Variants in GALNT13 observed in about 807,000 individuals in gnomAD.
GALNT13 encodes the protein polypeptide N-acetylgalactosaminyltransferase 13, also known as UDP-GalNAc:polypeptide N-acetylgalactosaminyltransferase 13.
In GALNT13, 28 loss-of-function variants were observed where a neutral mutation model predicts 64.2. That is an observed-to-expected ratio of 0.44 (90% CI 0.32 to 0.60). The LOEUF is 0.60. Ranked by LOEUF, GALNT13 falls within the 20% of genes least tolerant of loss-of-function variation. The pLI, the probability that GALNT13 is intolerant of heterozygous loss-of-function variation, is 0.05. For synonymous variants in GALNT13, 214 were observed against 224.6 expected, an observed-to-expected ratio of 0.95 and a Z score of 0.42; for missense variants, 577 against 669.8, an observed-to-expected ratio of 0.86 and a Z score of 1.53.
At chr2:153,395,281 G>T in the GALNT13 span, among the ~76,000 whole-genome samples, 1 of 152,132 alleles carries the variant, frequency 6.6e-6, no homozygotes, top group Non-Finnish European at 1.5e-5. Context: ...ACCAGGTGTG[G>T]ATAACAGAGA....
At chr2:153,117,676 A>G in the GALNT13 span, among the ~76,000 whole-genome samples, 1 of 152,156 alleles carries the variant, frequency 6.6e-6, no homozygotes, top group African/African-American at 2.4e-5. Flanking sequence ...TTACATGTTG[A>G]TGTCTCCTAA....
At chr2:153,465,575 T>C in the GALNT13 span, among the ~76,000 whole-genome samples, 1 of 151,776 alleles carries the variant, frequency 6.6e-6, no homozygotes, top group Admixed American at 6.6e-5. Context: ...CATGAGTCTG[T>C]ACCTCAAGGA....
intron 3 of GALNT13, among the ~76,000 whole-genome samples, chr2:154,135,211 A>T (rs927449122): frequency 5.3e-5 from 8 of 151,816 alleles, no homozygotes; most frequent in Non-Finnish European, 1.2e-4. Flanking sequence ...GCCTACCTTC[A>T]TCCTTGTAAA....
chr2:153,112,664 G>T, the GALNT13 span, among the ~76,000 whole-genome samples: 1 of 152,164 alleles, frequency 6.6e-6, no homozygotes, highest in Non-Finnish European at 1.5e-5. Context: ...AAATTAAAGA[G>T]CGTGTTGAAT....
At chr2:153,752,889 C>G in the GALNT13 span, among the ~76,000 whole-genome samples, 1 of 152,020 alleles carries the variant, frequency 6.6e-6, no homozygotes, top group Non-Finnish European at 1.5e-5. Flanking sequence ...TTAGATTTGC[C>G]TTTTGAGGCT....
chr2:153,277,114 G>A, the GALNT13 span, among the ~76,000 whole-genome samples: 3 of 152,104 alleles, frequency 2.0e-5, no homozygotes, highest in African/African-American at 7.2e-5. Context: ...TGGGTATATT[G>A]TGCGACGGTA....
At chr2:153,823,635 C>A in the GALNT13 span, among the ~76,000 whole-genome samples, 35,093 of 152,078 alleles carry the variant, frequency 0.23, 5,322 homozygotes, top group Middle Eastern at 0.39. Flanking sequence ...GGATTAAATA[C>A]TTAAATGTAA....
At chr2:153,819,099 G>A in the GALNT13 span, among the ~76,000 whole-genome samples, 1 of 152,036 alleles carries the variant, frequency 6.6e-6, no homozygotes, top group Non-Finnish European at 1.5e-5. Flanking sequence ...TTCTCCCAGG[G>A]CCTGAGCTCA....
chr2:153,439,538 A>T, the GALNT13 span, among the ~76,000 whole-genome samples: 1 of 152,018 alleles, frequency 6.6e-6, no homozygotes, highest in African/African-American at 2.4e-5. Context: ...CTCCCCCAGC[A>T]TTGCTCCCAC....
intron 9 of GALNT13, among the ~76,000 whole-genome samples, chr2:154,337,783 G>A (rs920603490): frequency 1.3e-5 from 2 of 151,874 alleles, no homozygotes; most frequent in African/African-American, 4.8e-5. Flanking sequence ...GCAATTTTAT[G>A]CATACATAAA....
chr2:154,287,416 GC>G, intron 8 of GALNT13: 1 of 451,898 alleles, frequency 2.2e-6, no homozygotes. Context: ...TCCTCCAGCT[GC>G]CCCAGTGAGG....
At position 154,211,629 on chromosome 2, in the gene GALNT13, C is replaced by CAA. The variant is rs140095331; in HGVS notation, c.312-30376_312-30375dup. 2.1e-3 allele frequency among the ~76,000 whole-genome samples: 81 copies of CAA among 37,932 alleles called. 2 individuals are homozygous for CAA. The highest frequency in any genetic ancestry group is 3.9e-3 in the African/African-American group (34 of 8,786). The allele number at this position is 37,932 out of a possible 152,430, so 24.9% of individuals were successfully genotyped here. On this transcript the variant is annotated intron_variant, in intron 4 of 12. Coordinates refer to ENST00000392825, the MANE Select transcript of GALNT13 (RefSeq NM_052917.4). ...GGCAACAAGAGCGAAACTCCATCTC[C>CAA]AAAAAAAAAAAAAAAAAAAAAAAAA...
At chr2:153,997,444 G>T (rs1695594112) in intron 3 of GALNT13, among the ~76,000 whole-genome samples, 1 of 150,590 alleles carries the variant, frequency 6.6e-6, no homozygotes, top group African/African-American at 2.5e-5. Flanking sequence ...ATTATAAATG[G>T]GGTAACTTTC....
At chr2:153,813,696 T>C in the GALNT13 span, among the ~76,000 whole-genome samples, 1 of 152,222 alleles carries the variant, frequency 6.6e-6, no homozygotes, top group Non-Finnish European at 1.5e-5. Context: ...TGCCAGTGGC[T>C]GGAAATCTCA....
chr2:153,151,065 G>A, the GALNT13 span, among the ~76,000 whole-genome samples: 6 of 152,000 alleles, frequency 3.9e-5, no homozygotes, highest in Non-Finnish European at 7.4e-5. Context: ...GGGCAGTATG[G>A]CCATTTTCAT....
chr2:153,665,891 G>T, the GALNT13 span, among the ~76,000 whole-genome samples: 1 of 152,116 alleles, frequency 6.6e-6, no homozygotes, highest in Non-Finnish European at 1.5e-5. Flanking sequence ...GAGCCCAGAG[G>T]GTTTGGTGCA....
At chr2:154,382,676 T>A (rs1698327305) in intron 9 of GALNT13, among the ~76,000 whole-genome samples, 1 of 152,042 alleles carries the variant, frequency 6.6e-6, no homozygotes, top group Non-Finnish European at 1.5e-5. Flanking sequence ...TTTTCCAGCT[T>A]ACTCATTTAT....
the GALNT13 span, among the ~76,000 whole-genome samples, chr2:153,305,796 C>G: frequency 6.6e-6 from 1 of 152,142 alleles, no homozygotes; most frequent in Admixed American, 6.5e-5. Flanking sequence ...TCCCCCATGA[C>G]AGGTTTTATT....
At chr2:153,838,598 GCT>G in the GALNT13 span, among the ~76,000 whole-genome samples, 3 of 151,652 alleles carry the variant, frequency 2.0e-5, no homozygotes, top group African/African-American at 7.3e-5. Flanking sequence ...TTTATTTTGA[GCT>G]CTCAATTCTA....
Sources: gnomAD v4.1 joint callset for allele counts (sites outside exome capture counted in the v4.1 genomes callset) on GRCh38, gnomAD v4.1.1 for gene constraint, MANE v1.5 for transcripts, NCBI Gene and HGNC (gene_info 2026-07-23, HGNC 2026-07-21) for gene names.